The following ANKRD11 variants were observed in gnomAD, a reference collection of about 807,000 sequenced individuals.
ANKRD11 encodes the protein ankyrin repeat domain 11, also known as ankyrin repeat domain-containing protein 11.
Under a neutral mutation model 195.7 loss-of-function variants are expected in ANKRD11, and 17 were observed. The observed-to-expected ratio is 0.09, with a 90% CI of 0.06 to 0.13. The LOEUF (loss-of-function observed/expected upper bound fraction) is 0.13, where lower values mean the gene tolerates loss of function less well. Ranked by LOEUF, ANKRD11 falls within the 10% of genes least tolerant of loss-of-function variation. The pLI is 1.00. For missense variants in ANKRD11, 3,735 were observed against 3,566.1 expected (o/e 1.05, Z -1.21); for synonymous variants, 1,953 against 1,528.1 (o/e 1.28, Z -6.49).
Position 89,282,119 on chromosome 16 carries a change from T to A in ANKRD11, c.4423A>T (p.Arg1475Trp). ...CCATCCGCATGCCTGTCCCGGTGCC[T>A]CTCCTTCTCGTCTCTCCATTTCTCC... ...HREKWRDEKE[R>W]HRDRHADGLL... The change falls in exon 9 of 13, where the codon AGG becomes TGG. Residue 1475 changes from arginine (R) to tryptophan (W), a missense_variant. Coordinates refer to ENST00000301030, the MANE Select transcript of ANKRD11 (RefSeq NM_013275.6). 1 of 1,614,094 alleles carries A rather than the reference T, an allele frequency of 6.2e-7. No individual in the cohort carries two copies. The highest frequency in any genetic ancestry group is 8.5e-7 in the Non-Finnish European group (1 of 1,180,000).
intron 2 of ANKRD11, among the ~76,000 whole-genome samples, chr16:89,338,878 G>T (rs1172268518): frequency 6.6e-6 from 1 of 152,002 alleles, no homozygotes; most frequent in African/African-American, 2.4e-5. Context: ...ATGAATACTT[G>T]GAGCAAAATA....
At chr16:89,425,184 G>C (rs2042668579) in intron 1 of ANKRD11, among the ~76,000 whole-genome samples, 1 of 151,954 alleles carries the variant, frequency 6.6e-6, no homozygotes, top group South Asian at 2.1e-4. Flanking sequence ...ATCCCACAGA[G>C]TAGGTATCAT....
intron 1 of ANKRD11, among the ~76,000 whole-genome samples, chr16:89,466,802 C>G (rs1325784719): frequency 6.6e-6 from 1 of 152,176 alleles, no homozygotes; most frequent in African/African-American, 2.4e-5. Context: ...TGCAAAGAGC[C>G]AAGTGTGGGC....
intron 1 of ANKRD11, among the ~76,000 whole-genome samples, chr16:89,475,547 A>C (rs530900209): frequency 6.6e-6 from 1 of 152,344 alleles, no homozygotes; most frequent in African/African-American, 2.4e-5. Flanking sequence ...CGGTAACATT[A>C]ATGCTAATTA....
At chr16:89,435,202 T>C (rs980823749) in intron 1 of ANKRD11, among the ~76,000 whole-genome samples, 11 of 152,140 alleles carry the variant, frequency 7.2e-5, no homozygotes, top group Non-Finnish European at 1.6e-4. Context: ...ATCAGCACTC[T>C]GTGTCTAGCT....
intron 2 of ANKRD11, among the ~76,000 whole-genome samples, chr16:89,416,694 C>T (rs1472892477): frequency 6.6e-6 from 1 of 150,572 alleles, no homozygotes; most frequent in Non-Finnish European, 1.5e-5. Context: ...CTTTGGGAGG[C>T]TGAGGCAGGA....
Position 89,285,109 on chromosome 16 carries a change from G to T in ANKRD11, c.1433C>A (p.Ser478Tyr). 1 of 1,613,748 alleles carries T rather than the reference G, an allele frequency of 6.2e-7. No homozygotes were observed. The change falls in exon 9 of 13, where the codon TCC (serine) becomes TAC (tyrosine). Residue 478 changes from serine (S) to tyrosine (Y), a missense_variant. By Grantham distance (144) the Ser-to-Tyr change is moderately radical. Coordinates refer to ENST00000301030, the MANE Select transcript of ANKRD11 (RefSeq NM_013275.6). This position sits in a 1 kb window ranked among gnomAD's most constrained non-coding sequence, Gnocchi z 5.6. ...TGAGGACTCGCTCTCCGACTCCGAG[G>T]AGCAGAACTTGTCGCTCCGCTTTCC... The part of the protein sequence containing the change: ...RFGKRSDKFC[S>Y]SESESESSES...
In ANKRD11 at chr16:89,303,116, C is replaced by T. The variant is rs139732099; in HGVS notation, c.226+2090G>A. On this transcript the variant is annotated intron_variant, in intron 4 of 12. Transcript: ENST00000301030. ...GGTGGGCACCAGGTAGCCCTGGGAA[C>T]GCCACCTTACCAAGTGGGATCATTC... 4.6e-5 allele frequency among the ~76,000 whole-genome samples: 7 copies of T among 152,310 alleles called. No homozygotes were observed. The East Asian group carries it at 9.6e-4, about 21-fold the overall frequency.
At chr16:89,294,354 C>A (rs2035272065) in intron 4 of ANKRD11, among the ~76,000 whole-genome samples, 1 of 152,178 alleles carries the variant, frequency 6.6e-6, no homozygotes, top group Non-Finnish European at 1.5e-5. Flanking sequence ...TCACCCAGCT[C>A]TCCCTGTCCT....
At chr16:89,434,285 T>A (rs2043119253) in intron 1 of ANKRD11, among the ~76,000 whole-genome samples, 2 of 151,746 alleles carry the variant, frequency 1.3e-5, no homozygotes, top group South Asian at 2.1e-4. Flanking sequence ...AAATCTAATT[T>A]AAAAAAAAAT....
chr16:89,440,182 G>A (rs2043385535), intron 1 of ANKRD11, among the ~76,000 whole-genome samples: 1 of 152,188 alleles, frequency 6.6e-6, no homozygotes, highest in African/African-American at 2.4e-5. Flanking sequence ...AGGGTTCACA[G>A]GATTCTTCCT....
At chr16:89,458,386 G>C (rs376643079) in intron 1 of ANKRD11, among the ~76,000 whole-genome samples, 1 of 152,056 alleles carries the variant, frequency 6.6e-6, no homozygotes, top group South Asian at 2.1e-4. Flanking sequence ...CACCACGCCC[G>C]GCTAATTTTT....
intron 1 of ANKRD11, among the ~76,000 whole-genome samples, chr16:89,440,980 G>C (rs1468275226): frequency 6.6e-6 from 1 of 152,200 alleles, no homozygotes; most frequent in South Asian, 2.1e-4. Flanking sequence ...GCTCACGCCT[G>C]TAATCCCAGC....
intron 2 of ANKRD11, among the ~76,000 whole-genome samples, chr16:89,383,999 C>A (rs1368929632): frequency 6.6e-6 from 1 of 152,136 alleles, no homozygotes; most frequent in East Asian, 1.9e-4. Context: ...GCAGGCAGGT[C>A]ACCTGAGCTC....
intron 1 of ANKRD11, among the ~76,000 whole-genome samples, chr16:89,460,134 A>G (rs1486761653): frequency 1.3e-5 from 2 of 151,924 alleles, no homozygotes. Flanking sequence ...GCTACTCGGG[A>G]GGCTGAGGCA....
At chr16:89,434,474 C>G (rs2043127240) in intron 1 of ANKRD11, among the ~76,000 whole-genome samples, 1 of 152,228 alleles carries the variant, frequency 6.6e-6, no homozygotes, top group Non-Finnish European at 1.5e-5. Flanking sequence ...GTCGCTGCAG[C>G]CAGGAGGAGC....
chr16:89,286,232 A>T, intron 7 of ANKRD11, 46 bp from the exon 8 acceptor site: 1 of 1,605,230 alleles, frequency 6.2e-7, no homozygotes, highest in Non-Finnish European at 8.5e-7. Context: ...GAGAAGCACA[A>T]CTCCTCTACC....
intron 2 of ANKRD11, among the ~76,000 whole-genome samples, chr16:89,329,451 T>C (rs560663514): frequency 1.3e-5 from 2 of 152,322 alleles, no homozygotes; most frequent in Admixed American, 6.5e-5. Flanking sequence ...CCATGGGTGA[T>C]GAATAGTCTA....
chr16:89,341,669 G>A (rs1003536600), intron 2 of ANKRD11, among the ~76,000 whole-genome samples: 9 of 152,192 alleles, frequency 5.9e-5, no homozygotes, highest in African/African-American at 7.2e-5. Flanking sequence ...GTATGCAAAC[G>A]TGGCTTTAAT....
Sources: allele counts gnomAD v4.1 joint callset (sites outside exome capture counted in the v4.1 genomes callset), GRCh38; gene constraint gnomAD v4.1.1; non-coding constraint Gnocchi (gnomAD v3.1); transcripts MANE v1.5; gene names NCBI Gene and HGNC (gene_info 2026-07-23, HGNC 2026-07-21).